The following FAM227A variants were observed in gnomAD, a reference collection of about 807,000 sequenced individuals.
FAM227A encodes the protein family with sequence similarity 227 member A.
FAM227A carries 80 observed loss-of-function variants against 74.7 expected under a neutral mutation model. The ratio of observed to expected loss-of-function variants is 1.07; its 90% CI spans 0.89 to 1.29. The LOEUF is 1.29. FAM227A is among the 50% of genes most tolerant of loss of function. The pLI, the probability that FAM227A is intolerant of heterozygous loss-of-function variation, is 0.00. For synonymous variants in FAM227A, 237 were observed against 241.8 expected, an observed-to-expected ratio of 0.98 and a Z score of 0.19; for missense variants, 654 against 683.4, an observed-to-expected ratio of 0.96 and a Z score of 0.48.
At chr22:38,603,133 C>CA (rs2091212017) in intron 13 of FAM227A, among the ~76,000 whole-genome samples, 2 of 152,196 alleles carry the variant, frequency 1.3e-5, no homozygotes, top group South Asian at 4.1e-4. Flanking sequence ...CTCGACCTCC[C>CA]AAAGTGTTTG....
chr22:38,613,286 TAATA>T (rs1254588766), intron 11 of FAM227A, among the ~76,000 whole-genome samples: 1 of 74,326 alleles, frequency 1.3e-5, no homozygotes, highest in Admixed American at 2.5e-4. Flanking sequence ...ATATCATATA[TAATA>T]TATATCATAT....
At chr22:38,614,513 A>G (rs2091535230) in intron 11 of FAM227A, among the ~76,000 whole-genome samples, 1 of 152,102 alleles carries the variant, frequency 6.6e-6, no homozygotes, top group African/African-American at 2.4e-5. Flanking sequence ...TGAATTGTGG[A>G]CTCTCAGACA....
At chr22:38,625,122 G>A (rs954506312) in intron 9 of FAM227A, among the ~76,000 whole-genome samples, 2 of 152,168 alleles carry the variant, frequency 1.3e-5, no homozygotes, top group Non-Finnish European at 2.9e-5. Context: ...GGGTATGGTG[G>A]CTCACGCCTG....
intron 9 of FAM227A, 114 bp downstream of exon 9, chr22:38,626,064 GAA>G: frequency 9.3e-7 from 1 of 1,073,448 alleles, no homozygotes; most frequent in Non-Finnish European, 1.3e-6. Flanking sequence ...GTTAAGGAGA[GAA>G]AAGAGAGAAT....
chr22:38,626,153 C>T (rs570886851), intron 9 of FAM227A, 27 bp downstream of exon 9: 5 of 1,548,962 alleles, frequency 3.2e-6, no homozygotes, highest in Non-Finnish European at 8.7e-7. Flanking sequence ...GAATCGCTTT[C>T]CCCGGTGGAA....
chr22:38,635,657 A>G (rs149148971), intron 6 of FAM227A, among the ~76,000 whole-genome samples: 2 of 152,288 alleles, frequency 1.3e-5, no homozygotes, highest in East Asian at 3.9e-4. Flanking sequence ...TCACCCCCAG[A>G]GGCATGAGAA....
chr22:38,615,497 C>A (rs538027639), intron 11 of FAM227A, among the ~76,000 whole-genome samples: 1 of 152,316 alleles, frequency 6.6e-6, no homozygotes, highest in African/African-American at 2.4e-5. Flanking sequence ...AAGGAGGAAC[C>A]AGATTTCCCC....
intron 11 of FAM227A, among the ~76,000 whole-genome samples, chr22:38,616,315 G>C (rs760812529): frequency 6.6e-6 from 1 of 152,170 alleles, no homozygotes. Context: ...AGTGGCTGCC[G>C]GGGGCAGGAA....
rs1195569146 is a variant in FAM227A at position 38,654,477 on chromosome 22, A to G, written c.-95+1643T>C. On this transcript the variant is annotated intron_variant, in intron 1 of 16. Coordinates refer to ENST00000535113, the MANE Select transcript of FAM227A (RefSeq NM_001013647.2). ...TGGCCATCAAAATAGCACTAGCTACATGTGACAATTAAGTCCTTGGAATTT... is the reference window on the plus strand; with the variant it reads ...TGGCCATCAAAATAGCACTAGCTACGTGTGACAATTAAGTCCTTGGAATTT... Among the ~76,000 whole-genome samples, 3 of 152,252 alleles carry G rather than the reference A, an allele frequency of 2.0e-5. No individual in the cohort carries two copies. In the East Asian group the frequency reaches 5.8e-4, roughly 29 times the overall value.
rs117679904 is a variant in FAM227A at position 38,643,400 on chromosome 22, C to T, written c.225+2163G>A. On this transcript the variant is annotated intron_variant, in intron 3 of 16. Coordinates refer to ENST00000535113, the MANE Select transcript of FAM227A (RefSeq NM_001013647.2). ...GGAAGATCTGCAGACTATAAATAAG[C>T]ACATAAAAAGACGGATGTCCCTGGG... Among the ~76,000 whole-genome samples the T allele has an allele frequency of 4.2e-4, 64 of 151,750 alleles. 3 individuals are homozygous for T. The East Asian group carries it at 0.012, about 29-fold the overall frequency.
At chr22:38,633,776 G>A (rs1215267831) in intron 6 of FAM227A, among the ~76,000 whole-genome samples, 4 of 152,070 alleles carry the variant, frequency 2.6e-5, no homozygotes, top group East Asian at 1.9e-4. Context: ...TCCTGATCTC[G>A]TGATCCAACC....
At chr22:38,635,148 A>G (rs1020441590) in intron 6 of FAM227A, among the ~76,000 whole-genome samples, 6 of 151,010 alleles carry the variant, frequency 4.0e-5, no homozygotes, top group Admixed American at 4.0e-4. Flanking sequence ...AATCGCCTGA[A>G]TCAGGGAGCG....
At chr22:38,606,175 T>C (rs1441267453) in intron 12 of FAM227A, among the ~76,000 whole-genome samples, 3 of 152,074 alleles carry the variant, frequency 2.0e-5, no homozygotes, top group African/African-American at 7.2e-5. Context: ...TTCTAAACTT[T>C]TATTTTTTTT....
At chr22:38,615,226 T>C (rs1468271882) in intron 11 of FAM227A, among the ~76,000 whole-genome samples, 9 of 152,202 alleles carry the variant, frequency 5.9e-5, no homozygotes, top group African/African-American at 2.2e-4. Flanking sequence ...TTTCACCATG[T>C]TGGCCAGACT....
At chr22:38,619,269 T>C (rs893514441) in intron 11 of FAM227A, among the ~76,000 whole-genome samples, 1 of 152,090 alleles carries the variant, frequency 6.6e-6, no homozygotes. Context: ...AGAGGAAGCA[T>C]TCTGGGGTGT....
At chr22:38,600,570 T>A (rs958630750) in intron 13 of FAM227A, among the ~76,000 whole-genome samples, 2 of 151,634 alleles carry the variant, frequency 1.3e-5, no homozygotes, top group Non-Finnish European at 2.9e-5. Flanking sequence ...ACTCCTGACC[T>A]CAGGTAATCT....
Position 38,585,876 on chromosome 22 carries a change from A to C in FAM227A, c.*249T>G. 2 of 782,336 alleles carry C rather than the reference A, an allele frequency of 2.6e-6. No individual in the cohort carries two copies. The highest frequency in any genetic ancestry group is 2.0e-6 in the Non-Finnish European group (1 of 511,036). The allele number at this position is 782,336 out of a possible 1,614,324, so 48.5% of individuals were successfully genotyped here. A position where few individuals can be genotyped will look rare whatever the true frequency, so the allele number is the denominator to read the frequency against. ...AGGTCATATTTGTAACATACTTACC[A>C]GCATGCACGTAATAAAATACTGAAA... is the stretch of plus-strand genomic sequence containing the variant. On this transcript the variant is annotated 3_prime_UTR_variant, in exon 17 of 17. Transcript: ENST00000535113.
chr22:38,650,425 A>C (rs954911034), intron 1 of FAM227A, among the ~76,000 whole-genome samples, 163 bp from the exon 2 acceptor site: 4 of 152,152 alleles, frequency 2.6e-5, no homozygotes, highest in Non-Finnish European at 4.4e-5. Flanking sequence ...GAGGATTTCA[A>C]GGTATATGGA....
intron 1 of FAM227A, among the ~76,000 whole-genome samples, chr22:38,651,299 G>T (rs2092318008): frequency 6.6e-6 from 1 of 152,200 alleles, no homozygotes; most frequent in South Asian, 2.1e-4. Context: ...GGAATGATTT[G>T]CTTCTACTGC....
Sources: allele counts gnomAD v4.1 joint callset (sites outside exome capture counted in the v4.1 genomes callset), GRCh38; gene constraint gnomAD v4.1.1; transcripts MANE v1.5; gene names NCBI Gene and HGNC (gene_info 2026-07-23, HGNC 2026-07-21).